The following SPOCD1 variants were observed in gnomAD, a reference collection of about 807,000 sequenced individuals.
SPOCD1 encodes the protein SPOC domain-containing protein 1.
A neutral mutation model predicts 92.2 loss-of-function variants in SPOCD1; 64 were observed. That is an observed-to-expected ratio of 0.69 (90% CI 0.57 to 0.86). SPOCD1 has a LOEUF of 0.86. Among genes scored for constraint, SPOCD1 ranks in the 40% least tolerant of loss-of-function variants. The pLI, the probability that SPOCD1 is intolerant of heterozygous loss-of-function variation, is 0.00. For synonymous variants in SPOCD1, 578 were observed against 619.3 expected (o/e 0.93, Z 0.99); for missense variants, 1,360 against 1,543.1 (o/e 0.88, Z 1.99).
In SPOCD1 at chr1:31,814,187, G is replaced by C; in HGVS notation, c.1147C>G (p.Pro383Ala). The C allele has an allele frequency of 6.4e-7, 1 of 1,572,102 alleles. No homozygotes were observed. Among genetic ancestry groups the C allele is most frequent in the Non-Finnish European group, 8.6e-7 (1 of 1,157,002 alleles). Residue 383 changes from proline to alanine, a missense_variant, in exon 2 of 16, where the codon CCC becomes GCC. Around this residue, in one of 3 missense-constraint regions of SPOCD1, gnomAD observed 606 missense variants for 601.5 expected, o/e 1.01. Coordinates refer to ENST00000360482, the MANE Select transcript of SPOCD1 (RefSeq NM_144569.7). The surrounding 1 kb of genome is among the most constrained non-coding windows in gnomAD (Gnocchi z 4.2). ...CGGGAGCTGGCACAGGTGTCAGCGG[G>C]GGCAGCGAGTCCTTGCTCCAGCCTT... is the stretch of plus-strand genomic sequence containing the variant. ...RGRLEQGLAA[P>A]ADTCASSREP...
At chr1:31,813,233 T>C (rs1649318753) in intron 2 of SPOCD1, among the ~76,000 whole-genome samples, 1 of 152,194 alleles carries the variant, frequency 6.6e-6, no homozygotes, top group African/African-American at 2.4e-5. Flanking sequence ...AATTAAGCAA[T>C]TTACCTTGTG....
intron 2 of SPOCD1, among the ~76,000 whole-genome samples, chr1:31,804,981 C>CTTTATTTTTT (rs1648718567): frequency 3.7e-5 from 2 of 54,322 alleles, no homozygotes; most frequent in East Asian, 5.9e-4. Context: ...TTCTTTCTTT[C>CTTTATTTTTT]TTTCTTTTTT....
intron 2 of SPOCD1, among the ~76,000 whole-genome samples, chr1:31,803,788 A>AGGAAAGGAAAG (rs376409965): frequency 3.3e-5 from 5 of 150,520 alleles, no homozygotes; most frequent in Non-Finnish European, 7.4e-5. Context: ...AGGAGAAGAA[A>AGGAAAGGAAAG]GGAAAGGAAA....
In SPOCD1 at chr1:31,815,177, C is replaced by T. The variant is rs766407920; in HGVS notation, c.157G>A (p.Ala53Thr). ...CTGGGGATCTTCCTTCTGCTGCCAG[C>T]CCTGACTCCGGGCCCAGAGCTTGCT... The part of the protein sequence containing the change: ...PGASSGPGVR[A>T]GSRRKIPRKE... The change falls in exon 2 of 16, where the codon GCT becomes ACT. Residue 53 changes from alanine (A) to threonine (T), a missense_variant. Physicochemically the swap from Ala to Thr is moderately conservative, Grantham distance 58. Transcript: ENST00000360482. 11 of 1,607,502 alleles carry T rather than the reference C, an allele frequency of 6.8e-6. No homozygotes were observed. In the South Asian group the frequency reaches 1.2e-4, roughly 18 times the overall value.
At chr1:31,800,706 T>G (rs1648404420) in intron 3 of SPOCD1, 89 bp from the exon 4 acceptor site, 1 of 1,168,694 alleles carries the variant, frequency 8.6e-7, no homozygotes, top group South Asian at 1.5e-5. Context: ...TTGTTGAACA[T>G]CTCTCTCCCA....
At chr1:31,794,311 C>A in intron 10 of SPOCD1, 76 bp from the exon 11 acceptor site, 1 of 973,774 alleles carries the variant, frequency 1.0e-6, no homozygotes, top group Non-Finnish European at 1.5e-6. Context: ...GTAGGGGGCC[C>A]CAGGATGTGG....
chr1:31,809,281 T>G (rs565268501), intron 2 of SPOCD1, among the ~76,000 whole-genome samples: 6 of 152,164 alleles, frequency 3.9e-5, no homozygotes, highest in Non-Finnish European at 8.8e-5. Flanking sequence ...TATCTCCATT[T>G]CAGCAAAAAA....
chr1:31,791,013 T>C lies in SPOCD1; in HGVS notation c.3241A>G (p.Arg1081Gly). Residue 1081 changes from arginine (R) to glycine (G), a missense_variant, in exon 16 of 16, where the codon AGG becomes GGG. Around this residue, in one of 3 missense-constraint regions of SPOCD1, gnomAD observed 614 missense variants for 757.8 expected, o/e 0.81. Coordinates refer to ENST00000360482, the MANE Select transcript of SPOCD1 (RefSeq NM_144569.7). ...QSQGRGSIAP[R>G]GISAWQRPPR... ...GGCCTCTGCCAAGCAGAGATTCCCC[T>C]TGGAGCTATACTGCCCCTGCCCTGG... 5 of 1,604,860 alleles carry C rather than the reference T, an allele frequency of 3.1e-6. No individual in the cohort carries two copies. Among genetic ancestry groups the C allele is most frequent in the Non-Finnish European group, 3.4e-6 (4 of 1,175,890 alleles).
intron 2 of SPOCD1, among the ~76,000 whole-genome samples, chr1:31,805,793 T>C (rs1420106503): frequency 6.6e-6 from 1 of 151,848 alleles, no homozygotes; most frequent in Non-Finnish European, 1.5e-5. Flanking sequence ...CAAATGTAAA[T>C]GTACTAATAC....
chr1:31,804,985 C>CTTTTTTTTTTTT lies in SPOCD1; in HGVS notation c.1384-3292_1384-3281dup, dbSNP rs1207433481. 6.3e-3 allele frequency among the ~76,000 whole-genome samples: 667 copies of CTTTTTTTTTTTT among 105,818 alleles called. 25 individuals are homozygous for CTTTTTTTTTTTT. Among genetic ancestry groups the CTTTTTTTTTTTT allele is most frequent in the South Asian group, 8.4e-3 (24 of 2,842 alleles). 69.4% of individuals were successfully genotyped at this position (105,818 alleles called of 152,430 possible). On this transcript the variant is annotated intron_variant, in intron 2 of 15. Coordinates refer to ENST00000360482, the MANE Select transcript of SPOCD1 (RefSeq NM_144569.7). The stretch of plus-strand genomic sequence containing the variant: ...AAATTTCTTTTTTCTTTCTTTCTTT[C>CTTTTTTTTTTTT]TTTTTTTTTTTTTTGAGATGGAGTC...
chr1:31,813,030 G>T (rs1047628255), intron 2 of SPOCD1, among the ~76,000 whole-genome samples: 1 of 152,190 alleles, frequency 6.6e-6, no homozygotes, highest in African/African-American at 2.4e-5. Context: ...AAATGATGAT[G>T]ATTATAAGTA....
intron 10 of SPOCD1, chr1:31,795,373 T>C (rs1647932000): frequency 6.6e-6 from 1 of 152,186 alleles, no homozygotes; most frequent in Non-Finnish European, 1.5e-5. Context: ...AGGTTCCTCA[T>C]CCCAGAAATG....
At chr1:31,796,973 A>T (rs1312087142) in intron 9 of SPOCD1, among the ~76,000 whole-genome samples, 1 of 151,824 alleles carries the variant, frequency 6.6e-6, no homozygotes, top group African/African-American at 2.4e-5. Flanking sequence ...GGTCAATTCA[A>T]CCTCTGACGG....
chr1:31,800,443 G>T lies in SPOCD1; in HGVS notation c.1600C>A (p.Gln534Lys). ...AAATGACATCACTTGTTCTGTACCT[G>T]GCACCCAGCAGGGCCCTGCACCATG... ...RPMVQGPAGC[Q>K]VFQPSPSGGT... The change falls in exon 4 of 16, where the codon CAG (glutamine) becomes AAG (lysine). Residue 534 changes from glutamine to lysine, a missense_variant and splice_region_variant. Around this residue, in one of 3 missense-constraint regions of SPOCD1, gnomAD observed 606 missense variants for 601.5 expected, o/e 1.01. Coordinates refer to ENST00000360482, the MANE Select transcript of SPOCD1 (RefSeq NM_144569.7). 1 of 1,581,940 alleles carries T rather than the reference G, an allele frequency of 6.3e-7. No individual in the cohort carries two copies. The highest frequency in any genetic ancestry group is 2.3e-5 in the East Asian group (1 of 43,332).
chr1:31,809,617 G>A (rs1294296339), intron 2 of SPOCD1, among the ~76,000 whole-genome samples: 2 of 152,052 alleles, frequency 1.3e-5, no homozygotes, highest in Non-Finnish European at 2.9e-5. Flanking sequence ...GATACTTGGT[G>A]CCAACACTTA....
At chr1:31,796,261 A>G (rs1242826407) in intron 10 of SPOCD1, 2 of 418,406 alleles carry the variant, frequency 4.8e-6, no homozygotes, top group Non-Finnish European at 9.0e-6. Flanking sequence ...GGAACAGCGC[A>G]GCCTGCTGCT....
rs749261867 is a variant in SPOCD1 at position 31,793,270 on chromosome 1, A to G, written c.2685+8T>C. The G allele has an allele frequency of 2.8e-5, 44 of 1,584,964 alleles. No individual in the cohort carries two copies. The highest frequency in any genetic ancestry group is 3.6e-5 in the Non-Finnish European group (42 of 1,165,792). ...TAAGGGAATCCCTGGCGAGGAGGGC[A>G]GGTGCACCTGGACAAGCCGACAGCT... On this transcript the variant is annotated splice_region_variant and intron_variant, in intron 13 of 15. Transcript: ENST00000360482.
rs112565608 is a variant in SPOCD1 at position 31,793,844 on chromosome 1, C to T, written c.2437G>A (p.Gly813Arg). 6,971 of 1,614,166 alleles carry T rather than the reference C, an allele frequency of 4.3e-3. 18 individuals carry two copies. Among genetic ancestry groups the T allele is most frequent in the Non-Finnish European group, 5.1e-3 (6,030 of 1,180,016 alleles). ...LGSFEAAKSC[G>R]DNIFQKALSQ... Reference sequence around the variant, plus strand: ...AGGGCTTTCTGGAAGATATTGTCCCCGCAGCTCTTGGCGGCTTCGAAGGAG... The same window carrying T: ...AGGGCTTTCTGGAAGATATTGTCCCTGCAGCTCTTGGCGGCTTCGAAGGAG... Residue 813 changes from glycine to arginine, a missense_variant, in exon 12 of 16, where the codon GGG becomes AGG. Gly to Arg is a moderately radical substitution (Grantham distance 125). Around this residue, in one of 3 missense-constraint regions of SPOCD1, gnomAD observed 614 missense variants for 757.8 expected, o/e 0.81. Coordinates refer to ENST00000360482, the MANE Select transcript of SPOCD1 (RefSeq NM_144569.7).
Position 31,791,133 on chromosome 1 carries a change from T to C in SPOCD1, c.3121A>G (p.Ser1041Gly). The C allele has an allele frequency of 2.5e-6, 4 of 1,613,172 alleles. No homozygotes were observed. The highest frequency in any genetic ancestry group is 1.7e-6 in the Non-Finnish European group (2 of 1,179,848). ...GKVQKMVSFN[S>G]KVEKRYYQPD... ...TGATAGTATCTCTTCTCCACCTTAC[T>C]GTTGAAGGAGACCATCTTTTGAACC... is the stretch of plus-strand genomic sequence containing the variant. The change falls in exon 16 of 16, where the codon AGT becomes GGT. Residue 1041 changes from serine (S) to glycine (G), a missense_variant. Transcript: ENST00000360482.
Sources: allele counts gnomAD v4.1 joint callset (sites outside exome capture counted in the v4.1 genomes callset), GRCh38; gene constraint gnomAD v4.1.1; regional missense constraint gnomAD v4.1.1; non-coding constraint Gnocchi (gnomAD v3.1); transcripts MANE v1.5; gene names NCBI Gene and HGNC (gene_info 2026-07-23, HGNC 2026-07-21).